Variants in HPSE2 observed in about 807,000 individuals in gnomAD.
HPSE2 encodes heparanase 2 (inactive), also known as inactive heparanase-2.
A neutral mutation model predicts 60.5 loss-of-function variants in HPSE2; 38 were observed. The observed-to-expected ratio is 0.63, with a 90% CI of 0.48 to 0.82. HPSE2 has a LOEUF of 0.82. Among genes scored for constraint, HPSE2 ranks in the 40% least tolerant of loss-of-function variants. The probability of loss-of-function intolerance (pLI) is 0.00; values close to 1 mark genes in which losing one functional copy is unlikely to be tolerated. For missense variants in HPSE2, 713 were observed against 740.4 expected, an observed-to-expected ratio of 0.96 and a Z score of 0.43; for synonymous variants, 295 against 293.2, an observed-to-expected ratio of 1.01 and a Z score of -0.06.
At chr10:98,973,783 G>T (rs143805406) in intron 3 of HPSE2, among the ~76,000 whole-genome samples, 3 of 151,944 alleles carry the variant, frequency 2.0e-5, no homozygotes, top group Non-Finnish European at 2.9e-5. Flanking sequence ...AAGTACATTT[G>T]GGAGATGTTT....
intron 11 of HPSE2, among the ~76,000 whole-genome samples, chr10:98,477,722 A>G (rs1341731818): frequency 6.6e-6 from 1 of 152,174 alleles, no homozygotes; most frequent in Non-Finnish European, 1.5e-5. Context: ...GGAGATATTT[A>G]TCAGGTACAA....
intron 3 of HPSE2, among the ~76,000 whole-genome samples, chr10:99,017,950 C>T (rs2135418190): frequency 6.6e-6 from 1 of 152,238 alleles, no homozygotes; most frequent in South Asian, 2.1e-4. Flanking sequence ...ACCTTAAAAA[C>T]TTTTACTACC....
intron 9 of HPSE2, among the ~76,000 whole-genome samples, chr10:98,560,836 T>C (rs1222042379): frequency 6.7e-6 from 1 of 148,816 alleles, no homozygotes; most frequent in East Asian, 2.0e-4. Flanking sequence ...TTTGTGGTAA[T>C]CATGGTAAAA....
chr10:99,253,755 G>A, the HPSE2 span, among the ~76,000 whole-genome samples: 1 of 151,758 alleles, frequency 6.6e-6, no homozygotes, highest in East Asian at 1.9e-4. Flanking sequence ...TTAAACAACT[G>A]AACAAGCAAA....
At chr10:98,630,383 G>C (rs931943854) in intron 7 of HPSE2, among the ~76,000 whole-genome samples, 5 of 151,994 alleles carry the variant, frequency 3.3e-5, no homozygotes, top group South Asian at 4.2e-4. Flanking sequence ...ATTTTTAGTA[G>C]AGACGGTGTT....
At chr10:98,512,370 C>A (rs539789320) in intron 9 of HPSE2, among the ~76,000 whole-genome samples, 132 of 152,154 alleles carry the variant, frequency 8.7e-4, no homozygotes, top group Non-Finnish European at 1.3e-3. Context: ...TCACGAGGTC[C>A]GGAGATCGAG....
chr10:99,086,147 T>C (rs73324235), intron 3 of HPSE2, among the ~76,000 whole-genome samples: 2,462 of 152,248 alleles, frequency 0.016, 58 homozygotes, highest in African/African-American at 0.056. Context: ...ATATATAGTA[T>C]AGTATGTCTG....
intron 9 of HPSE2, among the ~76,000 whole-genome samples, chr10:98,594,540 C>A (rs1945178786): frequency 1.3e-5 from 2 of 151,970 alleles, no homozygotes; most frequent in African/African-American, 4.8e-5. Context: ...CATATAAGTG[C>A]CATCATGTGG....
intron 3 of HPSE2, among the ~76,000 whole-genome samples, chr10:98,902,518 C>T (rs1169509989): frequency 6.6e-6 from 1 of 152,040 alleles, no homozygotes; most frequent in Non-Finnish European, 1.5e-5. Context: ...TAGGCTGATG[C>T]TCTGCTTCTC....
intron 11 of HPSE2, among the ~76,000 whole-genome samples, chr10:98,466,608 CTCA>C (rs1940544437): frequency 7.5e-6 from 1 of 133,082 alleles, no homozygotes; most frequent in African/African-American, 3.3e-5. Context: ...GAGACTCCGT[CTCA>C]AAAAAAAAAA....
chr10:98,965,202 A>C (rs1202877670), intron 3 of HPSE2, among the ~76,000 whole-genome samples: 1 of 152,292 alleles, frequency 6.6e-6, no homozygotes, highest in South Asian at 2.1e-4. Flanking sequence ...TCTAGAAAAT[A>C]AAGTTCCAAT....
chr10:98,716,536 G>A (rs1382530948), intron 5 of HPSE2, among the ~76,000 whole-genome samples: 5 of 151,986 alleles, frequency 3.3e-5, no homozygotes, highest in Non-Finnish European at 7.4e-5. Context: ...CTGGAATGGT[G>A]AGTCTTTTCC....
chr10:98,464,254 C>T (rs1940432223), intron 11 of HPSE2, among the ~76,000 whole-genome samples: 1 of 152,080 alleles, frequency 6.6e-6, no homozygotes. Context: ...GTATCATGTA[C>T]TTTTTAAGGA....
intron 3 of HPSE2, among the ~76,000 whole-genome samples, chr10:99,130,939 T>C (rs1845359949): frequency 6.6e-6 from 1 of 152,092 alleles, no homozygotes; most frequent in Non-Finnish European, 1.5e-5. Context: ...CTGGCTCTCT[T>C]AGCTAAGGGA....
chr10:98,474,278 T>C (rs146565613), intron 11 of HPSE2, among the ~76,000 whole-genome samples: 96 of 152,336 alleles, frequency 6.3e-4, no homozygotes, highest in African/African-American at 2.2e-3. Context: ...ACCTGATCTC[T>C]CTGTGTCCAG....
chr10:98,952,292 T>C (rs941947414), intron 3 of HPSE2, among the ~76,000 whole-genome samples: 3 of 150,058 alleles, frequency 2.0e-5, no homozygotes, highest in Admixed American at 1.3e-4. Context: ...TGAGGAAGGA[T>C]TCCCCGCTCA....
chr10:98,554,568 C>T (rs893106098), intron 9 of HPSE2, among the ~76,000 whole-genome samples: 1 of 152,088 alleles, frequency 6.6e-6, no homozygotes, highest in African/African-American at 2.4e-5. Context: ...TACATCAGCA[C>T]CAAAATGCCT....
intron 3 of HPSE2, among the ~76,000 whole-genome samples, chr10:98,982,094 A>T (rs1341144309): frequency 6.6e-6 from 1 of 151,648 alleles, no homozygotes; most frequent in Non-Finnish European, 1.5e-5. Context: ...ATACATTTTT[A>T]AATAATTTTT....
intron 3 of HPSE2, among the ~76,000 whole-genome samples, chr10:98,745,030 G>A (rs1195111992): frequency 2.0e-5 from 3 of 152,044 alleles, no homozygotes; most frequent in South Asian, 2.1e-4. Context: ...GTGAAACCCC[G>A]TCTCTGTTAA....
Sources: gnomAD v4.1 joint callset for allele counts (sites outside exome capture counted in the v4.1 genomes callset) on GRCh38, gnomAD v4.1.1 for gene constraint, MANE v1.5 for transcripts, NCBI Gene and HGNC (gene_info 2026-07-23, HGNC 2026-07-21) for gene names.